The following SCML4 variants were observed in gnomAD, a reference collection of about 807,000 sequenced individuals.
SCML4 encodes sex comb on midleg-like protein 4.
SCML4 carries 34 observed loss-of-function variants against 41.1 expected under a neutral mutation model. That is an observed-to-expected ratio of 0.83 (90% CI 0.63 to 1.10). The LOEUF is 1.10. Ranked by LOEUF, SCML4 falls within the 50% of genes least tolerant of loss-of-function variation. SCML4 has a pLI of 0.00. For synonymous variants in SCML4, 214 were observed against 220.9 expected (o/e 0.97, Z 0.28); for missense variants, 522 against 534.1 (o/e 0.98, Z 0.22).
intron 1 of SCML4, among the ~76,000 whole-genome samples, chr6:107,784,136 G>C (rs1434276637): frequency 6.6e-6 from 1 of 152,156 alleles, no homozygotes; most frequent in East Asian, 1.9e-4. Flanking sequence ...GACATGAAAA[G>C]GACAGCATCT....
intron 1 of SCML4, 117 bp from the exon 2 acceptor site, chr6:107,772,503 G>T: frequency 1.8e-6 from 1 of 567,488 alleles, no homozygotes; most frequent in South Asian, 2.5e-5. Context: ...TGGAGGGGAA[G>T]ACCAAATATG....
At chr6:107,720,349 A>G in intron 6 of SCML4, 1 of 994,302 alleles carries the variant, frequency 1.0e-6, no homozygotes, top group Non-Finnish European at 1.2e-6. Context: ...AGGGTGGCAG[A>G]GCCACAAAAT....
intron 5 of SCML4, among the ~76,000 whole-genome samples, chr6:107,735,447 G>A (rs1406150757): frequency 6.6e-6 from 1 of 151,704 alleles, no homozygotes; most frequent in African/African-American, 2.4e-5. Flanking sequence ...GAGGGCGGGG[G>A]GATTCCAGTT....
At chr6:107,804,748 G>A (rs778949962) in intron 1 of SCML4, among the ~76,000 whole-genome samples, 3 of 152,132 alleles carry the variant, frequency 2.0e-5, no homozygotes, top group Non-Finnish European at 2.9e-5. Context: ...AAGCCAAGGC[G>A]GAAGGATTGC....
At chr6:107,725,487 A>G (rs977342646) in intron 5 of SCML4, among the ~76,000 whole-genome samples, 8 of 152,236 alleles carry the variant, frequency 5.3e-5, no homozygotes, top group Admixed American at 3.3e-4. Flanking sequence ...GCTGATTTCC[A>G]CAAGGGTGCC....
At chr6:107,758,510 G>T (rs548980345) in intron 2 of SCML4, among the ~76,000 whole-genome samples, 2 of 152,154 alleles carry the variant, frequency 1.3e-5, no homozygotes, top group African/African-American at 4.8e-5. Flanking sequence ...GCAAATATTG[G>T]CTTTATTTAG....
chr6:107,771,743 A>G (rs973544323), intron 2 of SCML4, among the ~76,000 whole-genome samples: 1 of 152,188 alleles, frequency 6.6e-6, no homozygotes, highest in Non-Finnish European at 1.5e-5. Flanking sequence ...TGCTCACATT[A>G]TTAATTTAAA....
Position 107,824,221 on chromosome 6 carries a change from A to T in SCML4, c.-155T>A, listed in dbSNP as rs539253279. ...GACTTTCAGCACATGCAAACCGAGT[A>T]TTGCAAAAGCTATCTTCCACCCGTG... On this transcript the variant is annotated 5_prime_UTR_variant, in exon 1 of 8. Coordinates refer to ENST00000369020, the MANE Select transcript of SCML4 (RefSeq NM_198081.5). 1 of 152,252 alleles carries T rather than the reference A, an allele frequency of 6.6e-6. No homozygotes were observed. Among genetic ancestry groups the T allele is most frequent in the Non-Finnish European group, 1.5e-5 (1 of 68,072 alleles). 9.4% of individuals were successfully genotyped at this position (152,252 alleles called of 1,614,324 possible).
the SCML4 span, among the ~76,000 whole-genome samples, chr6:107,835,433 C>T: frequency 3.3e-5 from 5 of 151,282 alleles, no homozygotes; most frequent in Non-Finnish European, 1.5e-5. Flanking sequence ...AAAAGAGAAT[C>T]CTTGGAATTA....
intron 1 of SCML4, among the ~76,000 whole-genome samples, chr6:107,782,411 G>A (rs527400824): frequency 1.3e-5 from 2 of 152,280 alleles, no homozygotes; most frequent in South Asian, 2.1e-4. Flanking sequence ...ATCCGGTCCC[G>A]GGGGGCTGAG....
intron 6 of SCML4, among the ~76,000 whole-genome samples, chr6:107,713,925 G>A (rs1411946279): frequency 3.9e-5 from 6 of 152,192 alleles, no homozygotes; most frequent in Non-Finnish European, 7.4e-5. Context: ...TTGAAACAGT[G>A]CTGTTTTTCA....
intron 1 of SCML4, among the ~76,000 whole-genome samples, chr6:107,817,122 A>G (rs987231142): frequency 6.6e-6 from 1 of 152,158 alleles, no homozygotes; most frequent in Non-Finnish European, 1.5e-5. Flanking sequence ...TTCTTCAGGC[A>G]TGGAAATGTC....
chr6:107,807,282 G>A (rs1783811292), intron 1 of SCML4, among the ~76,000 whole-genome samples: 1 of 152,104 alleles, frequency 6.6e-6, no homozygotes, highest in Non-Finnish European at 1.5e-5. Flanking sequence ...AAGGGCTCTG[G>A]GCACTGACAG....
chr6:107,783,995 G>A (rs988069215), intron 1 of SCML4, among the ~76,000 whole-genome samples: 7 of 152,152 alleles, frequency 4.6e-5, no homozygotes, highest in Non-Finnish European at 8.8e-5. Context: ...CTTAGGGGTG[G>A]TTGCAGCTGC....
chr6:107,798,641 T>C (rs1266798552), intron 1 of SCML4, among the ~76,000 whole-genome samples: 1 of 152,090 alleles, frequency 6.6e-6, no homozygotes, highest in African/African-American at 2.4e-5. Context: ...TACTTTGGAC[T>C]TAATTTACTC....
the SCML4 span, among the ~76,000 whole-genome samples, chr6:107,839,381 G>C: frequency 7.0e-6 from 1 of 143,104 alleles, no homozygotes; most frequent in African/African-American, 2.7e-5. Flanking sequence ...AAGAAAGAAA[G>C]AAAGAAAGAA....
intron 2 of SCML4, among the ~76,000 whole-genome samples, chr6:107,756,026 C>T (rs184511493): frequency 6.6e-6 from 1 of 152,180 alleles, no homozygotes; most frequent in Non-Finnish European, 1.5e-5. Context: ...TGAATCCACA[C>T]TGACATAAAT....
Position 107,802,771 on chromosome 6 carries a change from C to T in SCML4, c.-60+21355G>A, listed in dbSNP as rs1310883397. ...CCACGGTCTCCCTCTCCCTCTCTTT[C>T]CACGGTCTCCCCCTGATGCCGAGCC... On this transcript the variant is annotated intron_variant, in intron 1 of 7. Coordinates refer to ENST00000369020, the MANE Select transcript of SCML4 (RefSeq NM_198081.5). Among the ~76,000 whole-genome samples the T allele has an allele frequency of 3.4e-5, 5 of 149,126 alleles. No homozygotes were observed. The South Asian group carries it at 6.4e-4, about 19-fold the overall frequency.
chr6:107,765,291 C>T (rs1425075226), intron 2 of SCML4, among the ~76,000 whole-genome samples: 4 of 152,230 alleles, frequency 2.6e-5, no homozygotes, highest in Middle Eastern at 3.4e-3. Context: ...ATGGACCATC[C>T]GGGTACAGGC....
Sources: gnomAD v4.1 joint callset for allele counts (sites outside exome capture counted in the v4.1 genomes callset) on GRCh38, gnomAD v4.1.1 for gene constraint, MANE v1.5 for transcripts, NCBI Gene and HGNC (gene_info 2026-07-23, HGNC 2026-07-21) for gene names.